The following PSG11 variants were observed in gnomAD, a reference collection of about 807,000 sequenced individuals.
PSG11 encodes the protein pregnancy specific beta-1-glycoprotein 11.
PSG11 carries 42 observed loss-of-function variants against 36.0 expected under a neutral mutation model. The observed-to-expected ratio is 1.17, with a 90% CI of 0.91 to 1.51. The LOEUF (loss-of-function observed/expected upper bound fraction) is 1.51, where lower values mean the gene tolerates loss of function less well. Among genes scored for constraint, PSG11 ranks in the 40% most tolerant of loss-of-function variants. PSG11 has a pLI of 0.00. For synonymous variants in PSG11, 206 were observed against 153.5 expected, an observed-to-expected ratio of 1.34 and a Z score of -2.53; for missense variants, 558 against 403.5, an observed-to-expected ratio of 1.38 and a Z score of -3.28.
chr19:43,024,715 C>T lies in PSG11; in HGVS notation c.406G>A (p.Gly136Arg), dbSNP rs756196492. 1 of 1,610,972 alleles carries T rather than the reference C, an allele frequency of 6.2e-7. No homozygotes were observed. The highest frequency in any genetic ancestry group is 1.7e-5 in the Admixed American group (1 of 59,800). ...KRGDGTRGVT[G>R]YFTFTLYLET... is the part of the protein sequence containing the mutation. ...CGGTATAAGGTGAAGGTGAAATATCCAGTTACTCCTCTAGTCCCATCACCT... is the reference window on the plus strand; with the variant it reads ...CGGTATAAGGTGAAGGTGAAATATCTAGTTACTCCTCTAGTCCCATCACCT... Residue 136 changes from glycine (G) to arginine (R), a missense_variant, in exon 2 of 6, where the codon GGA becomes AGA. By Grantham distance (125) the Gly-to-Arg change is moderately radical (BLOSUM62 -2). Transcript: ENST00000320078.
chr19:43,015,521 G>A (rs1966940615), intron 3 of PSG11, among the ~76,000 whole-genome samples, 151 bp from the exon 4 acceptor site: 2 of 151,406 alleles, frequency 1.3e-5, no homozygotes, highest in African/African-American at 4.9e-5. Flanking sequence ...GAAGCCTGAA[G>A]TATTCACCTG....
chr19:43,024,729 G>A lies in PSG11; in HGVS notation c.392C>T (p.Thr131Ile). Residue 131 changes from threonine to isoleucine, a missense_variant, in exon 2 of 6, where the codon ACT (threonine) becomes ATT (isoleucine). Physicochemically the swap from Thr to Ile is moderately conservative, Grantham distance 89. Transcript: ENST00000320078. The stretch of plus-strand genomic sequence containing the variant: ...GGTGAAATATCCAGTTACTCCTCTA[G>A]TCCCATCACCTCGCTTTATGATGTG... ...TLHIIKRGDG[T>I]RGVTGYFTFT... 1 of 1,611,552 alleles carries A rather than the reference G, an allele frequency of 6.2e-7. No individual in the cohort carries two copies. The highest frequency in any genetic ancestry group is 8.5e-7 in the Non-Finnish European group (1 of 1,178,866).
chr19:43,024,236 A>G (rs1967178424), intron 2 of PSG11, among the ~76,000 whole-genome samples: 1 of 151,424 alleles, frequency 6.6e-6, no homozygotes, highest in Non-Finnish European at 1.5e-5. Flanking sequence ...CCAAGAAGCC[A>G]CAACCCAGCC....
rs181350402 is a variant in PSG11, at chr19:43,010,270, G to A, written c.965-229C>T. The A allele has an allele frequency of 1.2e-3, 1,778 of 1,459,804 alleles. 42 individuals carry two copies. Among genetic ancestry groups the A allele is most frequent in the Non-Finnish European group, 1.5e-3 (1,662 of 1,106,066 alleles). The allele number at this position is 1,459,804 out of a possible 1,614,324, so 90.4% of individuals were successfully genotyped here. A position where few individuals can be genotyped will look rare whatever the true frequency, so the allele number is the denominator to read the frequency against. Reference sequence around the variant, plus strand: ...TCTGTCAATTCTCTACTGCACTCAGGTATTTTGGAAGGCTTTCAGACGTGA... The same window carrying A: ...TCTGTCAATTCTCTACTGCACTCAGATATTTTGGAAGGCTTTCAGACGTGA... On this transcript the variant is annotated intron_variant, in intron 4 of 5. Coordinates refer to ENST00000320078, the MANE Select transcript of PSG11 (RefSeq NM_002785.3).
At chr19:43,018,621 G>T in intron 3 of PSG11, 149 bp downstream of exon 3, 3 of 1,555,782 alleles carry the variant, frequency 1.9e-6, no homozygotes, top group Admixed American at 1.7e-5. Context: ...GCCTACTGTG[G>T]TTTGTCTGGG....
intron 3 of PSG11, among the ~76,000 whole-genome samples, chr19:43,017,863 T>A (rs1281253161): frequency 6.6e-6 from 1 of 151,622 alleles, no homozygotes; most frequent in Non-Finnish European, 1.5e-5. Flanking sequence ...TTATTCCTTT[T>A]CATGTTAATG....
At position 43,015,746 on chromosome 19, in the gene PSG11, C is replaced by T. The variant is rs1163722849; in HGVS notation, c.710-376G>A. The T allele has an allele frequency of 3.7e-6, 6 of 1,608,540 alleles. No individual in the cohort carries two copies. In the Admixed American group the frequency reaches 8.4e-5, roughly 22 times the overall value. On this transcript the variant is annotated intron_variant, in intron 3 of 5. Transcript: ENST00000320078. Reference sequence around the variant, plus strand: ...TTTGGATTTAAGCTGGTGTCCTGGCCCACAGAGGAACAAAAGATACAGAGG... The same window carrying T: ...TTTGGATTTAAGCTGGTGTCCTGGCTCACAGAGGAACAAAAGATACAGAGG...
At chr19:43,024,105 G>A (rs938796331) in intron 2 of PSG11, among the ~76,000 whole-genome samples, 1 of 151,374 alleles carries the variant, frequency 6.6e-6, no homozygotes. Context: ...CTGAGTGTCA[G>A]GTGAAGAAAG....
At chr19:43,012,043 A>G (rs1168399565) in intron 4 of PSG11, among the ~76,000 whole-genome samples, 1 of 151,490 alleles carries the variant, frequency 6.6e-6, no homozygotes, top group African/African-American at 2.4e-5. Flanking sequence ...AACACACAAA[A>G]ATATGAATAA....
intron 4 of PSG11, among the ~76,000 whole-genome samples, chr19:43,012,238 C>G (rs767665258): frequency 3.3e-5 from 5 of 151,328 alleles, no homozygotes; most frequent in Admixed American, 6.6e-5. Flanking sequence ...TGAGCAGGAA[C>G]AAGACAAGGA....
chr19:43,015,163 G>A lies in PSG11; in HGVS notation c.917C>T (p.Ser306Leu). ...TGTGGAGCTTTCCTCGCCAGTGGCT[G>A]AGTTACGAGCAGAGCAAGCATAGAG... ...NGLYACSARN[S>L]ATGEESSTSL... The change falls in exon 4 of 6, where the codon TCA (serine) becomes TTA (leucine). Residue 306 changes from serine (S) to leucine (L), a missense_variant. Ser to Leu is a moderately radical substitution (Grantham distance 145, BLOSUM62 -2). Transcript: ENST00000320078. The A allele has an allele frequency of 3.1e-6, 5 of 1,611,954 alleles. 1 individual carries two copies. The highest frequency in any genetic ancestry group is 4.2e-6 in the Non-Finnish European group (5 of 1,178,878).
Position 43,019,030 on chromosome 19 carries a change from G to T in PSG11, c.449C>A (p.Ser150Tyr), listed in dbSNP as rs751677726. 1.1e-5 allele frequency: 17 copies of T among 1,611,676 alleles called. 2 individuals are homozygous for T. Among genetic ancestry groups the T allele is most frequent in the Middle Eastern group, 3.3e-4 (2 of 6,072 alleles). The change falls in exon 3 of 6, where the codon TCC (serine) becomes TAC (tyrosine). Residue 150 changes from serine (S) to tyrosine (Y), a missense_variant. Ser to Tyr is a moderately radical substitution (Grantham distance 144, BLOSUM62 -2). Coordinates refer to ENST00000320078, the MANE Select transcript of PSG11 (RefSeq NM_002785.3). The stretch of plus-strand genomic sequence containing the variant: ...GGGGTTTAAGTTGCTGCTGGAGATG[G>T]AGGGCTTGGGAGTCTCCACTGTGCA... The part of the protein sequence containing the change: ...FTLYLETPKP[S>Y]ISSSNLNPRE...
At chr19:43,015,965 G>A (rs776611873) in intron 3 of PSG11, 12 of 1,609,942 alleles carry the variant, frequency 7.5e-6, no homozygotes, top group Admixed American at 3.3e-5. Flanking sequence ...TCACTCTTAG[G>A]TTCACAGGTG....
Position 43,025,020 on chromosome 19 carries a change from G to C in PSG11, c.101C>G (p.Ala34Gly). 5 of 1,610,848 alleles carry C rather than the reference G, an allele frequency of 3.1e-6. No individual in the cohort carries two copies. The highest frequency in any genetic ancestry group is 3.4e-6 in the Non-Finnish European group (4 of 1,178,330). Residue 34 changes from alanine to glycine, a missense_variant, in exon 2 of 6, where the codon GCC becomes GGC. Physicochemically the swap from Ala to Gly is moderately conservative, Grantham distance 60 (BLOSUM62 0). Transcript: ENST00000320078. ...LLNFWNLPTTAQVMIEAQPPK... is the reference protein window; with the variant it reads ...LLNFWNLPTTGQVMIEAQPPK... The stretch of plus-strand genomic sequence containing the variant: ...TGGCTGGGCTTCAATCATGACTTGG[G>C]CAGTGGTAGGCAAGTTCCAGAAGTT...
chr19:43,017,733 T>A (rs1967001866), intron 3 of PSG11: 1 of 151,514 alleles, frequency 6.6e-6, no homozygotes, highest in Admixed American at 6.6e-5. Flanking sequence ...ATTCTTCCAG[T>A]CCATGAAAAT....
chr19:43,019,273 T>C (rs1180828933), intron 2 of PSG11: 39 of 1,001,382 alleles, frequency 3.9e-5, no homozygotes, highest in Non-Finnish European at 5.3e-5. Context: ...CAGGTGTGAA[T>C]TGAGCAGCAG....
In PSG11 at chr19:43,015,269, A is replaced by T. The variant is rs746693925; in HGVS notation, c.811T>A (p.Tyr271Asn). 39 of 1,611,402 alleles carry T rather than the reference A, an allele frequency of 2.4e-5. 1 individual carries two copies. The highest frequency in any genetic ancestry group is 2.2e-5 in the Non-Finnish European group (26 of 1,178,508). Reference sequence around the variant, plus strand: ...AACTTCCCATTAATTGTCCAAGAATACTGTGCTGGTGGGTTAGAGTTTGCG... The same window carrying T: ...AACTTCCCATTAATTGTCCAAGAATTCTGTGCTGGTGGGTTAGAGTTTGCG... Reference protein sequence around the residue: ...CFANSNPPAQYSWTINGKFQL... With the variant: ...CFANSNPPAQNSWTINGKFQL... The change falls in exon 4 of 6, where the codon TAT (tyrosine) becomes AAT (asparagine). Residue 271 changes from tyrosine to asparagine, a missense_variant. Physicochemically the swap from Tyr to Asn is moderately radical, Grantham distance 143 (BLOSUM62 -2). Transcript: ENST00000320078.
At chr19:43,026,286 C>A (rs780385416) in intron 1 of PSG11, 23 bp downstream of exon 1, 1 of 1,609,580 alleles carries the variant, frequency 6.2e-7, no homozygotes, top group South Asian at 1.1e-5. Context: ...CTCCTGTCCT[C>A]TCCCAGGAAG....
Position 43,015,273 on chromosome 19 carries a change from T to C in PSG11, c.807A>G (p.Ala269=). ...LSCFANSNPP[A]QYSWTINGKF... Reference sequence around the variant, plus strand: ...TCCCATTAATTGTCCAAGAATACTGTGCTGGTGGGTTAGAGTTTGCGAAGC... The same window carrying C: ...TCCCATTAATTGTCCAAGAATACTGCGCTGGTGGGTTAGAGTTTGCGAAGC... The change falls in exon 4 of 6, where the codon GCA becomes GCG. Residue 269 remains alanine (A), a synonymous_variant. Transcript: ENST00000320078. The C allele has an allele frequency of 6.2e-7, 1 of 1,611,440 alleles. No homozygotes were observed. Among genetic ancestry groups the C allele is most frequent in the Admixed American group, 1.7e-5 (1 of 59,884 alleles).
Sources: allele counts gnomAD v4.1 joint callset (sites outside exome capture counted in the v4.1 genomes callset), GRCh38; gene constraint gnomAD v4.1.1; transcripts MANE v1.5; gene names NCBI Gene and HGNC (gene_info 2026-07-23, HGNC 2026-07-21).